Variants in ANKMY1 observed in about 807,000 individuals in gnomAD.
ANKMY1 encodes ankyrin repeat and MYND domain containing 1, also known as ankyrin repeat and MYND domain-containing protein 1.
ANKMY1 carries 98 observed loss-of-function variants against 102.0 expected under a neutral mutation model. The observed-to-expected ratio is 0.96, with a 90% CI of 0.82 to 1.14. The LOEUF is 1.14. ANKMY1 is among the 50% of genes most tolerant of loss of function. The probability of loss-of-function intolerance (pLI) is 0.00; values close to 1 mark genes in which losing one functional copy is unlikely to be tolerated. For missense variants in ANKMY1, 1,330 were observed against 1,347.6 expected, an observed-to-expected ratio of 0.99 and a Z score of 0.20; for synonymous variants, 582 against 559.9, an observed-to-expected ratio of 1.04 and a Z score of -0.56.
intron 3 of ANKMY1, chr2:240,554,426 G>A (rs1330074648): frequency 1.3e-5 from 2 of 159,588 alleles, no homozygotes; most frequent in Non-Finnish European, 2.8e-5. Flanking sequence ...CATGGCAAGC[G>A]CCAACAGAGG....
chr2:240,514,019 C>T (rs2152249004), intron 9 of ANKMY1, among the ~76,000 whole-genome samples: 1 of 152,378 alleles, frequency 6.6e-6, no homozygotes, highest in Middle Eastern at 3.4e-3. Context: ...CAGCCCAGGC[C>T]ACCAGGAGGC....
intron 13 of ANKMY1, among the ~76,000 whole-genome samples, chr2:240,504,110 G>A (rs1024706329): frequency 6.6e-6 from 1 of 152,250 alleles, no homozygotes; most frequent in African/African-American, 2.4e-5. Context: ...GGAGTGCCCA[G>A]AGGAAGAGCC....
At chr2:240,540,520 G>A (rs1190333794) in intron 4 of ANKMY1, among the ~76,000 whole-genome samples, 2 of 152,172 alleles carry the variant, frequency 1.3e-5, no homozygotes, top group Non-Finnish European at 2.9e-5. Flanking sequence ...TGCATCCAAT[G>A]AGACTCCAGG....
rs897197858 is a variant in ANKMY1, at chr2:240,520,988, AAC to A, written c.1833-457_1833-456del. On this transcript the variant is annotated intron_variant, in intron 8 of 17. Transcript: ENST00000401804. This position sits in a 1 kb window ranked among gnomAD's most constrained non-coding sequence, Gnocchi z 4.8. ...ACACCACTCACACCACAAAGACACA[AAC>A]ACACAGGCGCACACACACCTCTGAG... Among the ~76,000 whole-genome samples the A allele has an allele frequency of 9.2e-5, 14 of 151,430 alleles. No individual in the cohort carries two copies. The highest frequency in any genetic ancestry group is 3.2e-4 in the African/African-American group (13 of 41,180).
chr2:240,502,485 A>G (rs1254631571), intron 13 of ANKMY1, among the ~76,000 whole-genome samples: 1 of 152,054 alleles, frequency 6.6e-6, no homozygotes, highest in East Asian at 1.9e-4. Flanking sequence ...CCTGGGAGTC[A>G]CTGGGGACAG....
intron 12 of ANKMY1, among the ~76,000 whole-genome samples, chr2:240,508,774 G>C (rs937419075): frequency 5.3e-5 from 8 of 152,196 alleles, no homozygotes; most frequent in Non-Finnish European, 7.3e-5. Flanking sequence ...ATGAATGAAT[G>C]AATGAATGAA....
chr2:240,488,876 T>A (rs1017770107), intron 15 of ANKMY1, among the ~76,000 whole-genome samples: 1 of 152,166 alleles, frequency 6.6e-6, no homozygotes, highest in African/African-American at 2.4e-5. Context: ...GGTGGAGTCT[T>A]TAGGTTTTTC....
At chr2:240,519,327 C>T (rs1257241675) in intron 9 of ANKMY1, among the ~76,000 whole-genome samples, 1 of 152,230 alleles carries the variant, frequency 6.6e-6, no homozygotes, top group Non-Finnish European at 1.5e-5. Context: ...CTTCAAAATA[C>T]AAAGAGAAAG....
intron 15 of ANKMY1, among the ~76,000 whole-genome samples, chr2:240,495,502 C>T (rs957629076): frequency 2.6e-5 from 4 of 152,170 alleles, no homozygotes; most frequent in African/African-American, 9.7e-5. Context: ...GAAATAATGG[C>T]GTAAGCTGTC....
chr2:240,534,413 C>G (rs2086216067), intron 4 of ANKMY1, among the ~76,000 whole-genome samples: 1 of 152,052 alleles, frequency 6.6e-6, no homozygotes, highest in African/African-American at 2.4e-5. Context: ...TTGAGACCAG[C>G]CTGGGCAACA....
chr2:240,528,061 G>A (rs1390992903), intron 5 of ANKMY1, among the ~76,000 whole-genome samples: 3 of 152,162 alleles, frequency 2.0e-5, no homozygotes, highest in African/African-American at 4.8e-5. Context: ...GGCTGAGGCG[G>A]GTGGATCATG....
chr2:240,499,881 C>A lies in ANKMY1; in HGVS notation c.2806+77G>T. On this transcript the variant is annotated intron_variant, in intron 15 of 17. Coordinates refer to ENST00000401804, the MANE Select transcript of ANKMY1 (RefSeq NM_001282771.3). The surrounding 1 kb of genome is among the most constrained non-coding windows in gnomAD (Gnocchi z 4.2). ...TCCAAGAGCCCCAGGGGGTCCAGAT[C>A]TCCAGGGATAACAGCCCCAGGCACG... 1 of 1,495,720 alleles carries A rather than the reference C, an allele frequency of 6.7e-7. No individual in the cohort carries two copies. Among genetic ancestry groups the A allele is most frequent in the Non-Finnish European group, 9.0e-7 (1 of 1,115,308 alleles). 92.7% of individuals were successfully genotyped at this position (1,495,720 alleles called of 1,614,324 possible).
rs1283249758 is a variant in ANKMY1 at position 240,507,540 on chromosome 2, C to T, written c.2526+20G>A. On this transcript the variant is annotated intron_variant, in intron 13 of 17. Transcript: ENST00000401804. ...CCTCAAACCCCCTCACCAGGGCCAC[C>T]CCAGCCTCCTGCCCCTCACCAGGGC... is the stretch of plus-strand genomic sequence containing the variant. 1 of 1,595,806 alleles carries T rather than the reference C, an allele frequency of 6.3e-7. No homozygotes were observed. Among genetic ancestry groups the T allele is most frequent in the Non-Finnish European group, 8.5e-7 (1 of 1,170,948 alleles).
chr2:240,533,258 T>C (rs1196565212), intron 4 of ANKMY1, among the ~76,000 whole-genome samples: 1 of 151,616 alleles, frequency 6.6e-6, no homozygotes, highest in East Asian at 1.9e-4. Context: ...TCGACCCAAA[T>C]GAAGATGAGA....
intron 15 of ANKMY1, among the ~76,000 whole-genome samples, chr2:240,497,035 A>T (rs2077354478): frequency 6.6e-6 from 1 of 152,088 alleles, no homozygotes; most frequent in African/African-American, 2.4e-5. Flanking sequence ...GCCCATCATA[A>T]CCTCCAGTAA....
chr2:240,517,822 C>T (rs1177341176), intron 9 of ANKMY1, among the ~76,000 whole-genome samples: 2 of 152,078 alleles, frequency 1.3e-5, no homozygotes, highest in Admixed American at 6.5e-5. Context: ...AAAAAAAGGA[C>T]AATAATTCTT....
chr2:240,551,591 T>C (rs990143041), intron 4 of ANKMY1, among the ~76,000 whole-genome samples: 2 of 152,212 alleles, frequency 1.3e-5, no homozygotes, highest in Non-Finnish European at 2.9e-5. Flanking sequence ...CCTACTGTTA[T>C]TTGTCTTTGA....
intron 15 of ANKMY1, among the ~76,000 whole-genome samples, chr2:240,491,594 C>T (rs76336166): frequency 0.13 from 19,019 of 152,146 alleles, 1,359 homozygotes; most frequent in Non-Finnish European, 0.16. Context: ...ATTTGTAGAA[C>T]TGGTCTAGTA....
intron 4 of ANKMY1, among the ~76,000 whole-genome samples, chr2:240,551,852 C>A (rs957614632): frequency 6.6e-6 from 1 of 152,142 alleles, no homozygotes; most frequent in African/African-American, 2.4e-5. Context: ...TAGAAATTGA[C>A]CCTTCTGGTC....
Sources: gnomAD v4.1 joint callset for allele counts (sites outside exome capture counted in the v4.1 genomes callset) on GRCh38, gnomAD v4.1.1 for gene constraint, Gnocchi (gnomAD v3.1) non-coding constraint, MANE v1.5 for transcripts, NCBI Gene and HGNC (gene_info 2026-07-23, HGNC 2026-07-21) for gene names.